The following DLG2 variants were observed in gnomAD, a reference collection of about 807,000 sequenced individuals.
DLG2 encodes discs large MAGUK scaffold protein 2.
DLG2 carries 45 observed loss-of-function variants against 132.5 expected under a neutral mutation model. The ratio of observed to expected loss-of-function variants is 0.34; its 90% confidence interval spans 0.27 to 0.44. The LOEUF (loss-of-function observed/expected upper bound fraction) is 0.44. Among genes scored for constraint, DLG2 ranks in the 20% least tolerant of loss-of-function variants. The probability of loss-of-function intolerance (pLI) is 1.00; values close to 1 mark genes in which losing one functional copy is unlikely to be tolerated. For missense variants in DLG2, 1,045 were observed against 1,196.9 expected, an observed-to-expected ratio of 0.87 and a Z score of 1.87; for synonymous variants, 424 against 419.6, an observed-to-expected ratio of 1.01 and a Z score of -0.13.
intron 19 of DLG2, among the ~76,000 whole-genome samples, chr11:83,613,184 G>A (rs928683395): frequency 6.6e-6 from 1 of 152,174 alleles, no homozygotes; most frequent in African/African-American, 2.4e-5. Context: ...CAGGCAGCAA[G>A]GGGAGTGAGG....
chr11:85,053,354 G>A (rs1033355432), intron 6 of DLG2, among the ~76,000 whole-genome samples: 3 of 152,118 alleles, frequency 2.0e-5, no homozygotes, highest in African/African-American at 7.2e-5. Flanking sequence ...ACTAATTTGT[G>A]TCATCTGTCA....
intron 18 of DLG2, among the ~76,000 whole-genome samples, chr11:83,684,883 CCT>C (rs775246968): frequency 1.2e-4 from 19 of 152,080 alleles, no homozygotes; most frequent in Non-Finnish European, 1.9e-4. Context: ...TCTCTGTTCC[CCT>C]GTCACGAATA....
chr11:84,153,338 G>A (rs903833727), intron 9 of DLG2, among the ~76,000 whole-genome samples: 2 of 152,054 alleles, frequency 1.3e-5, no homozygotes, highest in African/African-American at 4.8e-5. Flanking sequence ...ATCTTGTATA[G>A]TATCTTGCAG....
chr11:85,117,530 C>A (rs2073784096), intron 5 of DLG2, among the ~76,000 whole-genome samples: 1 of 150,396 alleles, frequency 6.6e-6, no homozygotes, highest in African/African-American at 2.5e-5. Context: ...TTAATAAGAA[C>A]TTTCCTTGTC....
At position 83,866,870 on chromosome 11, in the gene DLG2, A is replaced by G. The variant is rs561407441; in HGVS notation, c.1565+7550T>C. On this transcript the variant is annotated intron_variant, in intron 16 of 27. Coordinates refer to ENST00000376104, the MANE Select transcript of DLG2 (RefSeq NM_001142699.3). Reference sequence around the variant, plus strand: ...TGAGTCCACTAAACAGGGCAGCTCAATAATTCTCATAACGAGACTCCTGAC... The same window carrying G: ...TGAGTCCACTAAACAGGGCAGCTCAGTAATTCTCATAACGAGACTCCTGAC... Among the ~76,000 whole-genome samples, 4 of 152,288 alleles carry G rather than the reference A, an allele frequency of 2.6e-5. No homozygotes were observed. The East Asian group carries it at 5.8e-4, about 22-fold the overall frequency.
intron 8 of DLG2, among the ~76,000 whole-genome samples, chr11:84,198,682 A>T (rs1172654912): frequency 6.6e-6 from 1 of 152,178 alleles, no homozygotes. Context: ...TAAAATAAAA[A>T]TTATAAAGTG....
At position 84,120,405 on chromosome 11, in the gene DLG2, T is replaced by C. The variant is rs370561357; in HGVS notation, c.625-21358A>G. 2.3e-4 allele frequency among the ~76,000 whole-genome samples: 35 copies of C among 152,356 alleles called. No individual in the cohort carries two copies. In the East Asian group the frequency reaches 3.1e-3, roughly 13 times the overall value. On this transcript the variant is annotated intron_variant, in intron 9 of 27. Coordinates refer to ENST00000376104, the MANE Select transcript of DLG2 (RefSeq NM_001142699.3). Reference sequence around the variant, plus strand: ...AATTTTTAAAAGACAGTGGTTGAATTATATTAAAGGGGATACACCGGTAGT... The same window carrying C: ...AATTTTTAAAAGACAGTGGTTGAATCATATTAAAGGGGATACACCGGTAGT...
At chr11:84,554,207 A>G (rs515819) in intron 6 of DLG2, among the ~76,000 whole-genome samples, 59,146 of 151,916 alleles carry the variant, frequency 0.39, 11,920 homozygotes, top group South Asian at 0.51. Context: ...TAAACTATTA[A>G]GTTTTACCTG....
At chr11:84,082,593 T>C (rs1486391068) in intron 10 of DLG2, among the ~76,000 whole-genome samples, 2 of 152,270 alleles carry the variant, frequency 1.3e-5, no homozygotes, top group Non-Finnish European at 2.9e-5. Flanking sequence ...TAATTTTTAA[T>C]ACTATGACAT....
chr11:83,723,135 C>G (rs1042054426), intron 18 of DLG2, among the ~76,000 whole-genome samples: 1 of 152,122 alleles, frequency 6.6e-6, no homozygotes, highest in Non-Finnish European at 1.5e-5. Flanking sequence ...AATCCCAGCA[C>G]TTTGGGAGGC....
intron 3 of DLG2, among the ~76,000 whole-genome samples, chr11:85,450,555 T>C (rs2092201869): frequency 1.3e-5 from 2 of 152,306 alleles, no homozygotes; most frequent in South Asian, 4.1e-4. Context: ...CTTAGGAATT[T>C]TAAAATATTG....
At chr11:85,479,578 T>G (rs942960106) in intron 3 of DLG2, among the ~76,000 whole-genome samples, 3 of 152,244 alleles carry the variant, frequency 2.0e-5, no homozygotes, top group African/African-American at 2.4e-5. Flanking sequence ...GGATTCATTA[T>G]GAACTTTTGA....
rs143799845 is a variant in DLG2 at position 83,872,259 on chromosome 11, T to C, written c.1565+2161A>G. Among the ~76,000 whole-genome samples, 342 of 152,300 alleles carry C rather than the reference T, an allele frequency of 2.2e-3. 3 individuals are homozygous for C. The highest frequency in any genetic ancestry group is 3.7e-3 in the Non-Finnish European group (252 of 68,030). On this transcript the variant is annotated intron_variant, in intron 16 of 27. Coordinates refer to ENST00000376104, the MANE Select transcript of DLG2 (RefSeq NM_001142699.3). ...ATCTGGGTGACAGAGCGAGACTCCA[T>C]CTCAAACAAATTGGCGAGTTGTATA... is the stretch of plus-strand genomic sequence containing the variant.
chr11:85,268,292 C>T (rs1340742951), intron 4 of DLG2, among the ~76,000 whole-genome samples: 1 of 152,146 alleles, frequency 6.6e-6, no homozygotes, highest in East Asian at 1.9e-4. Flanking sequence ...TTTGGAAAGG[C>T]TAATCAGAAA....
At chr11:84,534,997 G>C (rs1054704988) in intron 6 of DLG2, among the ~76,000 whole-genome samples, 3 of 152,136 alleles carry the variant, frequency 2.0e-5, no homozygotes, top group African/African-American at 7.2e-5. Context: ...GCTACAGAAA[G>C]GTGATAACAA....
intron 3 of DLG2, among the ~76,000 whole-genome samples, chr11:85,381,790 G>C (rs183240843): frequency 1.3e-5 from 2 of 151,690 alleles, no homozygotes; most frequent in East Asian, 3.9e-4. Context: ...GTTTAACAAA[G>C]GAAGAGTAAA....
intron 19 of DLG2, among the ~76,000 whole-genome samples, chr11:83,575,355 C>A (rs1207492566): frequency 1.3e-5 from 2 of 152,100 alleles, no homozygotes; most frequent in African/African-American, 4.8e-5. Flanking sequence ...GACAAAGAAC[C>A]CAGGAGAAGC....
At position 83,462,079 on chromosome 11, in the gene DLG2, C is replaced by T. The variant is rs755190531; in HGVS notation, c.2744G>A (p.Arg915His). 4.3e-6 allele frequency: 7 copies of T among 1,610,554 alleles called. No homozygotes were observed. Among genetic ancestry groups the T allele is most frequent in the South Asian group, 1.1e-5 (1 of 91,000 alleles). ...SLEPLMEMNK[R>H]LTEEQAKKTY... ...TTTCTTGGCTTGTTCCTCTGTTAGA[C>T]GCTTATTCATCTCCCTGGGAAAATG... Residue 915 changes from arginine (R) to histidine (H), a missense_variant, in exon 27 of 28, where the codon CGT becomes CAT. This residue lies in a region of DLG2 where 398 missense variants were observed against 543.6 expected (regional missense o/e 0.73). Transcript: ENST00000376104.
intron 8 of DLG2, among the ~76,000 whole-genome samples, chr11:84,177,947 C>A (rs149929992): frequency 6.6e-6 from 1 of 151,924 alleles, no homozygotes; most frequent in South Asian, 2.1e-4. Context: ...CCAACAATAG[C>A]CATTTCTGGA....
Sources: allele counts gnomAD v4.1 joint callset (sites outside exome capture counted in the v4.1 genomes callset), GRCh38; gene constraint gnomAD v4.1.1; regional missense constraint gnomAD v4.1.1; transcripts MANE v1.5; gene names NCBI Gene and HGNC (gene_info 2026-07-23, HGNC 2026-07-21).